RPN2: variants seen among roughly 807,000 people sequenced by gnomAD.
RPN2 encodes the protein dolichyl-diphosphooligosaccharide--protein glycosyltransferase subunit 2.
A neutral mutation model predicts 71.4 loss-of-function variants in RPN2; 29 were observed. That is an observed-to-expected ratio of 0.41 (90% CI 0.30 to 0.55). RPN2 has a LOEUF of 0.55. Ranked by LOEUF, RPN2 falls within the 20% of genes least tolerant of loss-of-function variation. The pLI is 0.35. For missense variants in RPN2, 726 were observed against 774.1 expected (o/e 0.94, Z 0.74); for synonymous variants, 308 against 305.0 (o/e 1.01, Z -0.10).
In RPN2 at chr20:37,179,346, T is replaced by C; in HGVS notation, c.-11T>C. On this transcript the variant is annotated 5_prime_UTR_variant, in exon 1 of 17. Transcript: ENST00000237530. ...CCGCGGCTCGGACTCCGGCGGGACC[T>C]GCTCGGAGGAATGGCGCCGCCGGGT... The C allele has an allele frequency of 1.7e-6, 2 of 1,188,544 alleles. No individual in the cohort carries two copies. The highest frequency in any genetic ancestry group is 4.2e-5 in the East Asian group (1 of 24,044). The allele number at this position is 1,188,544 out of a possible 1,614,324, so 73.6% of individuals were successfully genotyped here. A position where few individuals can be genotyped will look rare whatever the true frequency, so the allele number is the denominator to read the frequency against.
intron 6 of RPN2, 114 bp from the exon 7 acceptor site, chr20:37,207,159 A>G: frequency 1.2e-6 from 1 of 812,622 alleles, no homozygotes; most frequent in East Asian, 2.4e-5. Flanking sequence ...CATTGACCAA[A>G]AGACCTCCCA....
Position 37,207,430 on chromosome 20 carries a change from A to C in RPN2, c.848A>C (p.His283Pro), listed in dbSNP as rs1270784484. ...VVPEGSASDTHEQAILRLQVT... is the reference protein window; with the variant it reads ...VVPEGSASDTPEQAILRLQVT... ...CCTGAGGGCTCTGCTTCCGACACTC[A>C]TGAACAGGCTATCTTGCGGGTAAGA... The change falls in exon 7 of 17, where the codon CAT becomes CCT. Residue 283 changes from histidine to proline, a missense_variant. Coordinates refer to ENST00000237530, the MANE Select transcript of RPN2 (RefSeq NM_002951.5). 1.2e-6 allele frequency: 2 copies of C among 1,614,060 alleles called. No individual in the cohort carries two copies. Among genetic ancestry groups the C allele is most frequent in the Non-Finnish European group, 1.7e-6 (2 of 1,180,036 alleles).
At chr20:37,241,237 A>G in intron 16 of RPN2, 66 bp from the exon 17 acceptor site, 1 of 1,588,856 alleles carries the variant, frequency 6.3e-7, no homozygotes, top group Middle Eastern at 1.7e-4. Flanking sequence ...TGTTGTCACC[A>G]GTTAGGAACT....
intron 2 of RPN2, among the ~76,000 whole-genome samples, chr20:37,189,213 G>A (rs920596481): frequency 6.6e-6 from 1 of 152,168 alleles, no homozygotes; most frequent in East Asian, 1.9e-4. Context: ...GGGATTATAG[G>A]TGTGAGCCAC....
At position 37,230,205 on chromosome 20, in the gene RPN2, C is replaced by T. The variant is rs192563672; in HGVS notation, c.1581+146C>T. ...GTGGATTAGGCAGGGTAAATGGCAG[C>T]CCCATCCTTGAACTGAGAAAACAGG... On this transcript the variant is annotated intron_variant, in intron 13 of 16. Coordinates refer to ENST00000237530, the MANE Select transcript of RPN2 (RefSeq NM_002951.5). 8 of 742,388 alleles carry T rather than the reference C, an allele frequency of 1.1e-5. No individual in the cohort carries two copies. The East Asian group carries it at 2.0e-4, about 19-fold the overall frequency. The allele number at this position is 742,388 out of a possible 1,614,324, so 46.0% of individuals were successfully genotyped here.
At chr20:37,204,003 G>A in intron 5 of RPN2, 43 bp downstream of exon 5, 1 of 1,395,810 alleles carries the variant, frequency 7.2e-7, no homozygotes, top group South Asian at 1.2e-5. Context: ...TCCTGTCTTT[G>A]ACACTCTGCA....
Position 37,209,763 on chromosome 20 carries a change from A to G in RPN2, c.868-284A>G, listed in dbSNP as rs139810863. ...CTCCCAAAGCACTGCAATTATAGGC[A>G]TGAGCCATCATGCCCAGTCTGATAA... On this transcript the variant is annotated intron_variant, in intron 7 of 16. Transcript: ENST00000237530. Among the ~76,000 whole-genome samples the G allele has an allele frequency of 9.9e-4, 150 of 152,180 alleles. 1 individual carries two copies. Among genetic ancestry groups the G allele is most frequent in the Non-Finnish European group, 1.3e-4 (9 of 68,018 alleles).
intron 8 of RPN2, among the ~76,000 whole-genome samples, chr20:37,213,473 C>A (rs1463548221): frequency 1.3e-5 from 2 of 152,070 alleles, no homozygotes; most frequent in Non-Finnish European, 2.9e-5. Context: ...CCTGCTGTCC[C>A]AACTACCAGG....
chr20:37,198,835 A>G (rs983150256), intron 3 of RPN2, among the ~76,000 whole-genome samples: 5 of 152,174 alleles, frequency 3.3e-5, no homozygotes, highest in African/African-American at 1.2e-4. Context: ...GGAGAACCAT[A>G]TAAGTAGAAA....
chr20:37,236,580 C>T lies in RPN2; in HGVS notation c.1754C>T (p.Ala585Val). 6.2e-7 allele frequency: 1 copy of T among 1,614,114 alleles called. No homozygotes were observed. Among genetic ancestry groups the T allele is most frequent in the South Asian group, 1.1e-5 (1 of 91,082 alleles). ...STIIFHLGHA[A>V]MLGLMYVYWT... is the part of the protein sequence containing the mutation. ...GATGTCATGACACCTCTTCTTGCAG[C>T]TATGCTGGGACTCATGTATGTCTAC... The change falls in exon 16 of 17, where the codon GCT (alanine) becomes GTT (valine). Residue 585 changes from alanine (A) to valine (V), a missense_variant and splice_region_variant. Coordinates refer to ENST00000237530, the MANE Select transcript of RPN2 (RefSeq NM_002951.5).
At chr20:37,221,700 T>G (rs917304114) in intron 9 of RPN2, among the ~76,000 whole-genome samples, 4 of 152,242 alleles carry the variant, frequency 2.6e-5, no homozygotes, top group African/African-American at 9.6e-5. Flanking sequence ...TGCAGAGTAG[T>G]TAACTCTGAA....
chr20:37,196,876 C>G (rs6017487), intron 2 of RPN2, among the ~76,000 whole-genome samples: 18 of 152,132 alleles, frequency 1.2e-4, no homozygotes, highest in African/African-American at 4.3e-4. Flanking sequence ...TGGCAAAGTC[C>G]CTGATCTTGG....
intron 10 of RPN2, among the ~76,000 whole-genome samples, chr20:37,224,625 A>T (rs2281203): frequency 0.82 from 124,555 of 152,162 alleles, 51,683 homozygotes; most frequent in Middle Eastern, 0.93. Flanking sequence ...TAACAATTGA[A>T]CAGAGTTGGG....
chr20:37,226,366 G>A lies in RPN2; in HGVS notation c.1299+564G>A, dbSNP rs376520410. On this transcript the variant is annotated intron_variant, in intron 11 of 16. Coordinates refer to ENST00000237530, the MANE Select transcript of RPN2 (RefSeq NM_002951.5). Reference sequence around the variant, plus strand: ...GGATTATAAGCATGGCACTAGACTCGAGGCTTTTTCTTTCTGATTTAAAAA... The same window carrying A: ...GGATTATAAGCATGGCACTAGACTCAAGGCTTTTTCTTTCTGATTTAAAAA... Among the ~76,000 whole-genome samples the A allele has an allele frequency of 2.8e-3, 428 of 152,178 alleles. 3 individuals carry two copies. Among genetic ancestry groups the A allele is most frequent in the Non-Finnish European group, 2.2e-3 (150 of 67,982 alleles).
chr20:37,223,780 C>CT, intron 9 of RPN2, 98 bp from the exon 10 acceptor site: 1 of 971,492 alleles, frequency 1.0e-6, no homozygotes, highest in East Asian at 2.5e-5. Flanking sequence ...TTTTTCATGC[C>CT]TTTACTCACC....
At position 37,184,199 on chromosome 20, in the gene RPN2, G is replaced by C. The variant is rs754101577; in HGVS notation, c.33G>C (p.Leu11=). The C allele has an allele frequency of 1.9e-6, 3 of 1,614,192 alleles. No individual in the cohort carries two copies. The highest frequency in any genetic ancestry group is 2.5e-6 in the Non-Finnish European group (3 of 1,180,032). The change falls in exon 2 of 17, where the codon CTG becomes CTC. Residue 11 remains leucine, a synonymous_variant. Coordinates refer to ENST00000237530, the MANE Select transcript of RPN2 (RefSeq NM_002951.5). ...CCCAAGGTTCAAGCACTGTCTTCCT[G>C]TTGGCCCTGACAATCATAGCCAGCA... is the stretch of plus-strand genomic sequence containing the variant. MAPPGSSTVF[L]LALTIIASTW...
intron 1 of RPN2, among the ~76,000 whole-genome samples, chr20:37,181,477 T>C (rs1235834544): frequency 6.7e-6 from 1 of 150,034 alleles, no homozygotes; most frequent in Non-Finnish European, 1.5e-5. Context: ...TGGAGTGCAG[T>C]GGCACGATCT....
chr20:37,225,209 T>C (rs2050092), intron 10 of RPN2, among the ~76,000 whole-genome samples: 117,466 of 152,064 alleles, frequency 0.77, 45,830 homozygotes, highest in Middle Eastern at 0.89. Context: ...GAAAAAAATA[T>C]AGCATTAAAA....
intron 8 of RPN2, among the ~76,000 whole-genome samples, chr20:37,212,205 G>A (rs571259750): frequency 7.9e-4 from 121 of 152,246 alleles, no homozygotes; most frequent in Non-Finnish European, 1.6e-3. Context: ...CTTGAGGCTG[G>A]GAGGTCTAGG....
Sources: gnomAD v4.1 joint callset for allele counts (sites outside exome capture counted in the v4.1 genomes callset) on GRCh38, gnomAD v4.1.1 for gene constraint, MANE v1.5 for transcripts, NCBI Gene and HGNC (gene_info 2026-07-23, HGNC 2026-07-21) for gene names.